The following PDE4B variants were observed in gnomAD, a reference collection of about 807,000 sequenced individuals.
The protein encoded by PDE4B is 3',5'-cyclic-AMP phosphodiesterase 4B.
In PDE4B, 20 loss-of-function variants were observed where a neutral mutation model predicts 82.2. That is an observed-to-expected ratio of 0.24 (90% CI 0.17 to 0.35). The LOEUF (loss-of-function observed/expected upper bound fraction) is 0.35, where lower values mean the gene tolerates loss of function less well. Ranked by LOEUF, PDE4B falls within the 10% of genes least tolerant of loss-of-function variation. PDE4B has a pLI of 1.00. For synonymous variants in PDE4B, 320 were observed against 318.9 expected (o/e 1.00, Z -0.04); for missense variants, 655 against 907.2 (o/e 0.72, Z 3.57).
intron 7 of PDE4B, among the ~76,000 whole-genome samples, chr1:66,303,065 A>C (rs923199322): frequency 3.3e-5 from 5 of 152,148 alleles, no homozygotes; most frequent in Non-Finnish European, 5.9e-5. Flanking sequence ...ATATAGCTCC[A>C]TTTAGGCACT....
chr1:66,251,627 G>C (rs1653783387), intron 4 of PDE4B, among the ~76,000 whole-genome samples: 1 of 152,184 alleles, frequency 6.6e-6, no homozygotes, highest in South Asian at 2.1e-4. Flanking sequence ...TGGTTTGAAA[G>C]GTCTGGCCAG....
At chr1:66,250,679 C>T (rs1653695488) in intron 4 of PDE4B, among the ~76,000 whole-genome samples, 1 of 152,162 alleles carries the variant, frequency 6.6e-6, no homozygotes. Context: ...TTGTAGTCAT[C>T]CCAAACGTAA....
chr1:66,328,630 A>C lies in PDE4B; in HGVS notation c.635-3878A>C, dbSNP rs1570700935. Among the ~76,000 whole-genome samples, 6 of 152,232 alleles carry C rather than the reference A, an allele frequency of 3.9e-5. No individual in the cohort carries two copies. In the South Asian group the frequency reaches 1.2e-3, roughly 32 times the overall value. On this transcript the variant is annotated intron_variant, in intron 7 of 16. Transcript: ENST00000341517. ...CTCATGCACTTCCTCACTTCCTGTC[A>C]CCTGCCTGTCTCCCTGGACAAGATC...
At chr1:66,282,820 T>A (rs910019139) in intron 7 of PDE4B, among the ~76,000 whole-genome samples, 1 of 152,090 alleles carries the variant, frequency 6.6e-6, no homozygotes, top group African/African-American at 2.4e-5. Context: ...TAGTGGTGTG[T>A]GGGTGTTGAC....
At chr1:66,211,934 G>A (rs956427168) in intron 3 of PDE4B, among the ~76,000 whole-genome samples, 7 of 152,176 alleles carry the variant, frequency 4.6e-5, no homozygotes, top group Non-Finnish European at 1.0e-4. Flanking sequence ...TAACCCTTGA[G>A]ACCCTGAATG....
At chr1:66,339,176 A>C (rs1470142927) in intron 8 of PDE4B, among the ~76,000 whole-genome samples, 1 of 152,226 alleles carries the variant, frequency 6.6e-6, no homozygotes, top group Non-Finnish European at 1.5e-5. Context: ...TGTAAGGGAA[A>C]TTTTTGGAAG....
intron 3 of PDE4B, among the ~76,000 whole-genome samples, chr1:65,939,480 C>T (rs1648328401): frequency 6.6e-6 from 1 of 152,084 alleles, no homozygotes; most frequent in African/African-American, 2.4e-5. Context: ...AGCTGTCATA[C>T]CAGGCTGAAC....
At chr1:66,325,067 T>A (rs1284704523) in intron 7 of PDE4B, among the ~76,000 whole-genome samples, 1 of 152,180 alleles carries the variant, frequency 6.6e-6, no homozygotes, top group Non-Finnish European at 1.5e-5. Context: ...AGATGCCAAT[T>A]CCTATATGTA....
At chr1:65,869,127 T>A (rs1201909453) in intron 1 of PDE4B, among the ~76,000 whole-genome samples, 1 of 152,212 alleles carries the variant, frequency 6.6e-6, no homozygotes, top group Non-Finnish European at 1.5e-5. Context: ...TTTGTGACAG[T>A]TGTATAATCA....
intron 3 of PDE4B, among the ~76,000 whole-genome samples, chr1:66,193,950 C>CTGAAATCT (rs770960742): frequency 3.5e-5 from 5 of 141,876 alleles, no homozygotes; most frequent in Non-Finnish European, 7.6e-5. Flanking sequence ...GATTTGAAAT[C>CTGAAATCT]TTTTTTTTTT....
At chr1:66,004,557 T>G (rs940486974) in intron 3 of PDE4B, among the ~76,000 whole-genome samples, 1 of 152,188 alleles carries the variant, frequency 6.6e-6, no homozygotes, top group Non-Finnish European at 1.5e-5. Context: ...AAAATTCCAG[T>G]TACCTTCTTG....
At chr1:65,937,756 C>T (rs1648236364) in intron 3 of PDE4B, among the ~76,000 whole-genome samples, 1 of 152,152 alleles carries the variant, frequency 6.6e-6, no homozygotes, top group Admixed American at 6.5e-5. Context: ...CCTGCTTTAC[C>T]TCATCACTTA....
At chr1:66,153,509 T>G (rs1646443745) in intron 3 of PDE4B, among the ~76,000 whole-genome samples, 1 of 152,158 alleles carries the variant, frequency 6.6e-6, no homozygotes, top group African/African-American at 2.4e-5. Flanking sequence ...TTGTCTTGTT[T>G]TATTTTAATG....
At chr1:66,023,356 AG>A (rs1454489836) in intron 3 of PDE4B, among the ~76,000 whole-genome samples, 1 of 152,214 alleles carries the variant, frequency 6.6e-6, no homozygotes, top group African/African-American at 2.4e-5. Flanking sequence ...GAGGATAGAT[AG>A]GCTTATCAGT....
At chr1:66,252,070 G>A (rs1570559905) in intron 4 of PDE4B, among the ~76,000 whole-genome samples, 1 of 152,142 alleles carries the variant, frequency 6.6e-6, no homozygotes, top group Admixed American at 6.5e-5. Flanking sequence ...TATTACAGAT[G>A]ATCTAGTGAG....
chr1:65,985,950 T>TAA (rs1455896862), intron 3 of PDE4B, among the ~76,000 whole-genome samples: 3 of 152,016 alleles, frequency 2.0e-5, no homozygotes, highest in African/African-American at 7.2e-5. Context: ...ATAATAATAA[T>TAA]TATTATTATT....
chr1:65,845,632 G>A (rs1024271553), intron 1 of PDE4B, among the ~76,000 whole-genome samples: 3 of 152,130 alleles, frequency 2.0e-5, no homozygotes, highest in African/African-American at 7.2e-5. Flanking sequence ...GGTATAGCTG[G>A]TCTCATATTG....
At chr1:66,026,577 G>C (rs1316473250) in intron 3 of PDE4B, among the ~76,000 whole-genome samples, 1 of 152,198 alleles carries the variant, frequency 6.6e-6, no homozygotes. Flanking sequence ...TTATGGGTTT[G>C]TTGTGAGAAT....
At chr1:65,985,844 A>G (rs1650929423) in intron 3 of PDE4B, among the ~76,000 whole-genome samples, 1 of 152,186 alleles carries the variant, frequency 6.6e-6, no homozygotes. Flanking sequence ...CACTGTGAGG[A>G]GAAAGCCTGG....
Sources: gnomAD v4.1 joint callset for allele counts (sites outside exome capture counted in the v4.1 genomes callset) on GRCh38, gnomAD v4.1.1 for gene constraint, MANE v1.5 for transcripts, NCBI Gene and HGNC (gene_info 2026-07-23, HGNC 2026-07-21) for gene names.